The following MGAT5 variants were observed in gnomAD, a reference collection of about 807,000 sequenced individuals.
MGAT5 encodes the protein alpha-1,6-mannosylglycoprotein 6-beta-N-acetylglucosaminyltransferase, also known as alpha-1,6-mannosylglycoprotein 6-beta-N-acetylglucosaminyltransferase A.
Under a neutral mutation model 94.3 loss-of-function variants are expected in MGAT5, and 30 were observed. The ratio of observed to expected loss-of-function variants is 0.32; its 90% CI spans 0.24 to 0.43. MGAT5 has a LOEUF of 0.43. MGAT5 is among the 20% of genes least tolerant of loss of function. MGAT5 has a pLI of 1.00. For missense variants in MGAT5, 691 were observed against 905.5 expected (o/e 0.76, Z 3.04); for synonymous variants, 310 against 322.9 (o/e 0.96, Z 0.43).
chr2:134,322,021 C>T (rs959981353), intron 4 of MGAT5, among the ~76,000 whole-genome samples: 1 of 152,074 alleles, frequency 6.6e-6, no homozygotes, highest in African/African-American at 2.4e-5. Context: ...ATCTTAGAGT[C>T]ACACCTGACA....
chr2:134,188,937 G>T (rs1417926448), intron 1 of MGAT5, among the ~76,000 whole-genome samples: 1 of 152,152 alleles, frequency 6.6e-6, no homozygotes, highest in African/African-American at 2.4e-5. Flanking sequence ...TTCAACTATG[G>T]TTTTATTATA....
chr2:134,427,933 T>C (rs1684678755), intron 13 of MGAT5, among the ~76,000 whole-genome samples: 1 of 152,250 alleles, frequency 6.6e-6, no homozygotes, highest in African/African-American at 2.4e-5. Context: ...AGATGTTTGC[T>C]AATTTCCTAT....
intron 1 of MGAT5, among the ~76,000 whole-genome samples, chr2:134,165,168 G>T (rs561116556): frequency 1.3e-5 from 2 of 152,266 alleles, no homozygotes; most frequent in Non-Finnish European, 1.5e-5. Flanking sequence ...ATTTTCTTTA[G>T]GTTGAAATAA....
chr2:134,414,504 A>G (rs926124015), intron 12 of MGAT5, among the ~76,000 whole-genome samples: 3 of 152,208 alleles, frequency 2.0e-5, no homozygotes, highest in African/African-American at 7.2e-5. Context: ...ATTTTTGACA[A>G]AAAATATGCT....
At chr2:134,218,218 A>T (rs1680592457) in intron 1 of MGAT5, among the ~76,000 whole-genome samples, 1 of 152,202 alleles carries the variant, frequency 6.6e-6, no homozygotes, top group African/African-American at 2.4e-5. Context: ...GACTTGTTGC[A>T]ACACCATGTT....
In MGAT5 at chr2:134,337,209, T is replaced by C. The variant is rs191334056; in HGVS notation, c.645+921T>C. Among the ~76,000 whole-genome samples, 8 of 152,330 alleles carry C rather than the reference T, an allele frequency of 5.3e-5. No homozygotes were observed. The East Asian group carries it at 1.5e-3, about 29-fold the overall frequency. On this transcript the variant is annotated intron_variant, in intron 5 of 15. Coordinates refer to ENST00000281923, the MANE Select transcript of MGAT5 (RefSeq NM_002410.5). The stretch of plus-strand genomic sequence containing the variant: ...GGGAAATGAAACTGGATGTGGCGGC[T>C]CATGCCTGTAATTTCAGCACTTTAG...
upstream of MGAT5, among the ~76,000 whole-genome samples, chr2:134,252,354 A>C (rs1682657153): frequency 6.6e-6 from 1 of 152,128 alleles, no homozygotes; most frequent in South Asian, 2.1e-4. Context: ...GAGGGGTGTG[A>C]TGGGGCAGAG....
chr2:134,335,139 A>G (rs1688256740), intron 4 of MGAT5, among the ~76,000 whole-genome samples: 1 of 152,060 alleles, frequency 6.6e-6, no homozygotes, highest in South Asian at 2.1e-4. Context: ...TAAAACTGAC[A>G]TGTTTCTTTG....
At chr2:134,326,133 T>G (rs1390950771) in intron 4 of MGAT5, among the ~76,000 whole-genome samples, 1 of 151,410 alleles carries the variant, frequency 6.6e-6, no homozygotes, top group Non-Finnish European at 1.5e-5. Flanking sequence ...TCTTAATATA[T>G]CAGGAATACT....
rs968195316 is a variant in MGAT5, at chr2:134,433,821, C to A, written c.1869+5382C>A. ...CCAAACCCCATTTTCATGGTCCTAC[C>A]TGTCCTACCAACTTTTTTTTTTTTT... On this transcript the variant is annotated intron_variant, in intron 14 of 15. Transcript: ENST00000281923. 2.1e-5 allele frequency among the ~76,000 whole-genome samples: 3 copies of A among 146,178 alleles called. No homozygotes were observed. In the Admixed American group the frequency reaches 2.1e-4, roughly 10 times the overall value.
At chr2:134,244,411 G>A (rs193020458) in intron 1 of MGAT5, among the ~76,000 whole-genome samples, 30 of 152,164 alleles carry the variant, frequency 2.0e-4, no homozygotes, top group African/African-American at 7.0e-4. Flanking sequence ...TTGGAGCAGA[G>A]GCCCAGTGCC....
chr2:134,397,193 G>A (rs1682760901), intron 10 of MGAT5, among the ~76,000 whole-genome samples: 1 of 152,194 alleles, frequency 6.6e-6, no homozygotes, highest in South Asian at 2.1e-4. Flanking sequence ...GGAACCTAGT[G>A]ACAATAAGGA....
intron 1 of MGAT5, among the ~76,000 whole-genome samples, chr2:134,264,195 T>C (rs992799974): frequency 6.6e-6 from 1 of 152,110 alleles, no homozygotes; most frequent in African/African-American, 2.4e-5. Flanking sequence ...GTTAATTTTG[T>C]ATTTTTAGTA....
intron 4 of MGAT5, among the ~76,000 whole-genome samples, chr2:134,327,210 C>T (rs1337665858): frequency 1.4e-4 from 21 of 152,102 alleles, no homozygotes; most frequent in Admixed American, 1.2e-3. Context: ...GAAGCAGGGG[C>T]GTTTTGAGCA....
chr2:134,391,593 A>G (rs1429343154), intron 10 of MGAT5, among the ~76,000 whole-genome samples: 2 of 152,102 alleles, frequency 1.3e-5, no homozygotes, highest in Non-Finnish European at 2.9e-5. Context: ...AAAGGGCACT[A>G]TTCCTATCCA....
Position 134,441,768 on chromosome 2 carries a change from A to C in MGAT5, c.1880A>C (p.His627Pro). The change falls in exon 15 of 16, where the codon CAT (histidine) becomes CCT (proline). Residue 627 changes from histidine (H) to proline (P), a missense_variant. His to Pro is a moderately conservative substitution (Grantham distance 77, BLOSUM62 -2). This residue lies in a region of MGAT5 where 260 missense variants were observed against 347.0 expected (regional missense o/e 0.75). Coordinates refer to ENST00000281923, the MANE Select transcript of MGAT5 (RefSeq NM_002410.5). ...NAFIEKQDFC[H>P]GQVMWPPLSA... ...TCATTGTCGTTCTAGGACTTCTGCCATGGGCAAGTGATGTGGCCACCCCTC... is the reference window on the plus strand; with the variant it reads ...TCATTGTCGTTCTAGGACTTCTGCCCTGGGCAAGTGATGTGGCCACCCCTC... 2 of 1,612,224 alleles carry C rather than the reference A, an allele frequency of 1.2e-6. No homozygotes were observed. Among genetic ancestry groups the C allele is most frequent in the Non-Finnish European group, 1.7e-6 (2 of 1,178,530 alleles).
intron 15 of MGAT5, 22 bp from the exon 16 acceptor site, chr2:134,448,627 G>A: frequency 6.2e-7 from 1 of 1,612,828 alleles, no homozygotes; most frequent in Non-Finnish European, 8.5e-7. Flanking sequence ...ACCAACACTT[G>A]TGCCTTTCTC....
chr2:134,184,578 CT>C (rs1472693324), intron 1 of MGAT5, among the ~76,000 whole-genome samples: 2 of 152,216 alleles, frequency 1.3e-5, no homozygotes, highest in Non-Finnish European at 1.5e-5. Flanking sequence ...TCTTGCGATA[CT>C]GTGTGCATAT....
rs528170130 is a variant in MGAT5, at chr2:134,397,780, C to A, written c.1381-5208C>A. Among the ~76,000 whole-genome samples, 3 of 152,248 alleles carry A rather than the reference C, an allele frequency of 2.0e-5. No homozygotes were observed. The East Asian group carries it at 5.8e-4, about 29-fold the overall frequency. On this transcript the variant is annotated intron_variant, in intron 10 of 15. Coordinates refer to ENST00000281923, the MANE Select transcript of MGAT5 (RefSeq NM_002410.5). ...GACAACGAGCCCAGCCCAGACATTA[C>A]GATAGCAGTTCATGCAGGAGGGGGC... is the stretch of plus-strand genomic sequence containing the variant.
Sources: allele counts gnomAD v4.1 joint callset (sites outside exome capture counted in the v4.1 genomes callset), GRCh38; gene constraint gnomAD v4.1.1; regional missense constraint gnomAD v4.1.1; transcripts MANE v1.5; gene names NCBI Gene and HGNC (gene_info 2026-07-23, HGNC 2026-07-21).